The following OTOGL variants were observed in gnomAD, a reference collection of about 807,000 sequenced individuals.
OTOGL encodes otogelin-like protein.
Under a neutral mutation model 318.5 loss-of-function variants are expected in OTOGL, and 285 were observed. The ratio of observed to expected loss-of-function variants is 0.89; its 90% CI spans 0.81 to 0.99. The LOEUF (loss-of-function observed/expected upper bound fraction) is 0.99, where lower values mean the gene tolerates loss of function less well. OTOGL is among the 50% of genes least tolerant of loss of function. OTOGL has a pLI of 0.00. For missense variants in OTOGL, 2,899 were observed against 2,845.6 expected (o/e 1.02, Z -0.43); for synonymous variants, 987 against 936.5 (o/e 1.05, Z -0.99).
At chr12:80,115,459 T>A (rs1177475507) in intron 1 of OTOGL, among the ~76,000 whole-genome samples, 1 of 152,070 alleles carries the variant, frequency 6.6e-6, no homozygotes, top group African/African-American at 2.4e-5. Flanking sequence ...CTCTCCTCTT[T>A]CCTCTGCTTC....
At chr12:80,293,997 G>C (rs531729235) in intron 26 of OTOGL, among the ~76,000 whole-genome samples, 7 of 152,210 alleles carry the variant, frequency 4.6e-5, no homozygotes, top group African/African-American at 1.7e-4. Flanking sequence ...GGTGCTGACA[G>C]TTTCTGTTTC....
intron 35 of OTOGL, among the ~76,000 whole-genome samples, chr12:80,327,471 T>C (rs961950267): frequency 2.6e-5 from 4 of 152,062 alleles, no homozygotes; most frequent in African/African-American, 9.7e-5. Flanking sequence ...TGCTCCTTCC[T>C]CTCCCTGTTC....
At chr12:80,360,344 C>T (rs945684945) in intron 52 of OTOGL, among the ~76,000 whole-genome samples, 2 of 150,432 alleles carry the variant, frequency 1.3e-5, no homozygotes, top group Admixed American at 6.6e-5. Flanking sequence ...TTGTTTCTCT[C>T]ACTCCCTCTC....
At chr12:80,239,959 A>G (rs1880230890) in intron 11 of OTOGL, among the ~76,000 whole-genome samples, 1 of 152,118 alleles carries the variant, frequency 6.6e-6, no homozygotes, top group Non-Finnish European at 1.5e-5. Context: ...TAGTTCCCAC[A>G]TATGAGTGAG....
At chr12:80,251,976 T>C (rs1406589297) in intron 12 of OTOGL, 100 bp from the exon 13 acceptor site, 21 of 1,345,078 alleles carry the variant, frequency 1.6e-5, no homozygotes, top group Non-Finnish European at 1.9e-5. Context: ...TTAAAAGTTA[T>C]TTTTTGCAAA....
rs1257383524 is a variant in OTOGL at position 80,265,147 on chromosome 12, T to G, written c.2161T>G (p.Tyr721Asp). 1 of 1,613,776 alleles carries G rather than the reference T, an allele frequency of 6.2e-7. No individual in the cohort carries two copies. The highest frequency in any genetic ancestry group is 2.2e-5 in the East Asian group (1 of 44,886). Residue 721 changes from tyrosine (Y) to aspartate (D), a missense_variant, in exon 20 of 59, where the codon TAT becomes GAT. Physicochemically the swap from Tyr to Asp is radical, Grantham distance 160. This residue lies in a region of OTOGL where 2,607 missense variants were observed against 2,524.9 expected (regional missense o/e 1.03). Coordinates refer to ENST00000547103, the MANE Select transcript of OTOGL (RefSeq NM_001378609.3). ...SSCLCNALAH[Y>D]AYLCGQHGVP... ...CTGCCTGTGCAATGCTCTTGCCCAC[T>G]ATGCCTACCTCTGCGGCCAGCACGG...
rs1282727405 is a variant in OTOGL at position 80,323,822 on chromosome 12, C to A, written c.4181C>A (p.Ala1394Glu). 6.2e-7 allele frequency: 1 copy of A among 1,611,522 alleles called. No homozygotes were observed. The highest frequency in any genetic ancestry group is 1.7e-5 in the Admixed American group (1 of 59,976). The change falls in exon 35 of 59, where the codon GCA (alanine) becomes GAA (glutamate). Residue 1394 changes from alanine to glutamate, a missense_variant. Coordinates refer to ENST00000547103, the MANE Select transcript of OTOGL (RefSeq NM_001378609.3). ...ACATGTAGTGACCCTGAAGCACTAG[C>A]ATGTAAATTTCTTCCACCGTAAGTA... ...FKTCSDPEAL[A>E]CKFLPPVEGC...
chr12:80,254,964 G>A (rs1341077123), intron 15 of OTOGL, 76 bp from the exon 16 acceptor site: 12 of 1,172,970 alleles, frequency 1.0e-5, no homozygotes, highest in Admixed American at 7.2e-5. Context: ...TTAACCTAAT[G>A]GTATCATCCT....
At chr12:80,120,634 A>G (rs1193698234) in intron 1 of OTOGL, among the ~76,000 whole-genome samples, 7 of 152,242 alleles carry the variant, frequency 4.6e-5, no homozygotes, top group Non-Finnish European at 1.0e-4. Context: ...GTTTTAACCT[A>G]TGGAAATGCC....
chr12:80,263,809 C>T (rs1882738170), intron 19 of OTOGL, among the ~76,000 whole-genome samples: 2 of 151,904 alleles, frequency 1.3e-5, no homozygotes, highest in South Asian at 4.1e-4. Context: ...TGAGGATCTT[C>T]TTTAGTTATC....
In OTOGL at chr12:80,257,846, T is replaced by A; in HGVS notation, c.1733T>A (p.Leu578Gln). The change falls in exon 18 of 59, where the codon CTG (leucine) becomes CAG (glutamine). Residue 578 changes from leucine (L) to glutamine (Q), a missense_variant. Physicochemically the swap from Leu to Gln is moderately radical, Grantham distance 113. Around this residue, in one of 3 missense-constraint regions of OTOGL, gnomAD observed 2,607 missense variants for 2,524.9 expected, o/e 1.03. Coordinates refer to ENST00000547103, the MANE Select transcript of OTOGL (RefSeq NM_001378609.3). ...GCAGGTATTGTTGAAATTCAAACTC[T>A]GTCATCCTTATTTATACTTCTAAAA... ...NLNGIVEIQT[L>Q]SSLFILLKTT... The A allele has an allele frequency of 6.3e-7, 1 of 1,581,678 alleles. No individual in the cohort carries two copies. Among genetic ancestry groups the A allele is most frequent in the Non-Finnish European group, 8.5e-7 (1 of 1,172,080 alleles).
At chr12:80,239,986 CTTT>C (rs1227076038) in intron 11 of OTOGL, among the ~76,000 whole-genome samples, 1 of 151,994 alleles carries the variant, frequency 6.6e-6, no homozygotes, top group African/African-American at 2.4e-5. Flanking sequence ...TGATATTTGT[CTTT>C]CTGTTTGGCT....
At chr12:80,226,160 C>T (rs1401022639) in intron 7 of OTOGL, among the ~76,000 whole-genome samples, 1 of 142,436 alleles carries the variant, frequency 7.0e-6, no homozygotes, top group East Asian at 2.1e-4. Context: ...CTTAGTTATG[C>T]CACCCTTCCT....
chr12:80,369,199 AT>A (rs1890734430), intron 55 of OTOGL, among the ~76,000 whole-genome samples: 1 of 152,002 alleles, frequency 6.6e-6, no homozygotes, highest in South Asian at 2.1e-4. Flanking sequence ...AGAAACACAT[AT>A]TTTTTTAAAT....
intron 11 of OTOGL, among the ~76,000 whole-genome samples, chr12:80,249,441 GC>G (rs1881262315): frequency 6.6e-6 from 1 of 151,406 alleles, no homozygotes. Flanking sequence ...GTGTCAGTGT[GC>G]CCCTGCTGGG....
chr12:80,185,419 G>T (rs1439416163), intron 1 of OTOGL, among the ~76,000 whole-genome samples: 1 of 152,098 alleles, frequency 6.6e-6, no homozygotes, highest in Non-Finnish European at 1.5e-5. Context: ...CTCCCAAGTA[G>T]CTGGGATCAC....
chr12:80,287,109 C>T (rs7307840), intron 26 of OTOGL, among the ~76,000 whole-genome samples: 150,906 of 151,692 alleles, frequency 0.99, 75,096 homozygotes, highest in Non-Finnish European at 1. Flanking sequence ...TTTGTTCTCA[C>T]TGGTTTCAAA....
intron 1 of OTOGL, among the ~76,000 whole-genome samples, chr12:80,113,703 C>T (rs1410740067): frequency 6.6e-6 from 1 of 152,086 alleles, no homozygotes; most frequent in African/African-American, 2.4e-5. Context: ...TTTTGTCTCA[C>T]TGATCTAATA....
intron 26 of OTOGL, among the ~76,000 whole-genome samples, chr12:80,288,994 A>G (rs1488120670): frequency 6.6e-6 from 1 of 151,750 alleles, no homozygotes; most frequent in East Asian, 1.9e-4. Context: ...GGTTTTTGGA[A>G]TTTTCAGCAT....
Sources: gnomAD v4.1 joint callset for allele counts (sites outside exome capture counted in the v4.1 genomes callset) on GRCh38, gnomAD v4.1.1 for gene constraint, gnomAD v4.1.1 regional missense constraint, MANE v1.5 for transcripts, NCBI Gene and HGNC (gene_info 2026-07-23, HGNC 2026-07-21) for gene names.